The following DERA variants were observed in gnomAD, a reference collection of about 807,000 sequenced individuals.
DERA encodes deoxyribose-phosphate aldolase, also known as 2-deoxy-D-ribose 5-phosphate aldolase.
A neutral mutation model predicts 41.1 loss-of-function variants in DERA; 15 were observed. The ratio of observed to expected loss-of-function variants is 0.37; its 90% confidence interval spans 0.24 to 0.56. The LOEUF (loss-of-function observed/expected upper bound fraction) is 0.56. DERA is among the 20% of genes least tolerant of loss of function. The pLI is 0.81. For synonymous variants in DERA, 139 were observed against 137.4 expected (o/e 1.01, Z -0.08); for missense variants, 396 against 403.4 (o/e 0.98, Z 0.16).
At chr12:15,962,741 C>T in intron 4 of DERA, 72 bp from the exon 5 acceptor site, 1 of 1,355,424 alleles carries the variant, frequency 7.4e-7, no homozygotes, top group Non-Finnish European at 1.0e-6. Context: ...ATTTGTTTTC[C>T]CCTCCCCCCC....
rs1330072020 is a variant in DERA, at chr12:15,935,971, G to C, written c.32-20965G>C. On this transcript the variant is annotated intron_variant, in intron 1 of 8. Transcript: ENST00000428559. This position sits in a 1 kb window ranked among gnomAD's most constrained non-coding sequence, Gnocchi z 4.8. ...TCACCCATATGGTTGGCAGCTTAGTGCTGACACCTGGTGAGAAGCCTCAGC... is the reference window on the plus strand; with the variant it reads ...TCACCCATATGGTTGGCAGCTTAGTCCTGACACCTGGTGAGAAGCCTCAGC... 2.0e-5 allele frequency among the ~76,000 whole-genome samples: 3 copies of C among 152,222 alleles called. No homozygotes were observed. The East Asian group carries it at 5.8e-4, about 29-fold the overall frequency.
rs150068452 is a variant in DERA at position 15,992,322 on chromosome 12, A to G, written c.637+9886A>G. 7.9e-5 allele frequency among the ~76,000 whole-genome samples: 12 copies of G among 152,268 alleles called. No individual in the cohort carries two copies. The East Asian group carries it at 2.3e-3, about 29-fold the overall frequency. Reference sequence around the variant, plus strand: ...AAATCTTGTAGAATTTGAACATGTTATTTTAGAGGGCAACTCTTATTTTAG... The same window carrying G: ...AAATCTTGTAGAATTTGAACATGTTGTTTTAGAGGGCAACTCTTATTTTAG... On this transcript the variant is annotated intron_variant, in intron 6 of 8. Coordinates refer to ENST00000428559, the MANE Select transcript of DERA (RefSeq NM_015954.4). This position sits in a 1 kb window ranked among gnomAD's most constrained non-coding sequence, Gnocchi z 4.3.
At position 16,035,708 on chromosome 12, in the gene DERA, T is replaced by C. The variant is rs1949122547; in HGVS notation, c.751-524T>C. On this transcript the variant is annotated intron_variant, in intron 7 of 8. Transcript: ENST00000428559. The surrounding 1 kb of genome is among the most constrained non-coding windows in gnomAD (Gnocchi z 4.1). The stretch of plus-strand genomic sequence containing the variant: ...CCACAGTTAAATTGGTTAAAACAAC[T>C]GTCAACTTTCCTTGCTTTTTTGCTG... 6.6e-6 allele frequency among the ~76,000 whole-genome samples: 1 copy of C among 152,232 alleles called. No individual in the cohort carries two copies.
chr12:16,032,351 T>C (rs987895111), intron 6 of DERA, among the ~76,000 whole-genome samples, 191 bp from the exon 7 acceptor site: 1 of 152,096 alleles, frequency 6.6e-6, no homozygotes, highest in Non-Finnish European at 1.5e-5. Context: ...AATACAGTGA[T>C]GGTAAGGGGG....
chr12:15,911,393 C>A lies in DERA; in HGVS notation c.10C>A (p.His4Asn). The A allele has an allele frequency of 7.1e-7, 1 of 1,405,676 alleles. No individual in the cohort carries two copies. The highest frequency in any genetic ancestry group is 1.5e-5 in the African/African-American group (1 of 65,948). The allele number at this position is 1,405,676 out of a possible 1,614,324, so 87.1% of individuals were successfully genotyped here. Reference sequence around the variant, plus strand: ...CGGAGCTGCCCGCGCCATGTCCGCGCACAATCGGGGCACCGAGCTCGGTAA... The same window carrying A: ...CGGAGCTGCCCGCGCCATGTCCGCGAACAATCGGGGCACCGAGCTCGGTAA... MSA[H>N]NRGTELDLSW... is the part of the protein sequence containing the mutation. The change falls in exon 1 of 9, where the codon CAC becomes AAC. Residue 4 changes from histidine to asparagine, a missense_variant. Physicochemically the swap from His to Asn is moderately conservative, Grantham distance 68. Transcript: ENST00000428559. This position sits in a 1 kb window ranked among gnomAD's most constrained non-coding sequence, Gnocchi z 4.5.
chr12:15,915,178 G>A lies in DERA; in HGVS notation c.31+3764G>A, dbSNP rs1948190496. Among the ~76,000 whole-genome samples the A allele has an allele frequency of 6.6e-6, 1 of 152,180 alleles. No homozygotes were observed. On this transcript the variant is annotated intron_variant, in intron 1 of 8. Transcript: ENST00000428559. The surrounding 1 kb of genome is among the most constrained non-coding windows in gnomAD (Gnocchi z 4.8). ...GCTAGAGCTACAATTAAATGCAAGT[G>A]TGATGTGCAATTATTTTTCATTTAT...
At position 16,032,560 on chromosome 12, in the gene DERA, C is replaced by A; in HGVS notation, c.656C>A (p.Thr219Asn). The change falls in exon 7 of 9, where the codon ACC becomes AAC. Residue 219 changes from threonine to asparagine, a missense_variant. By Grantham distance (65) the Thr-to-Asn change is moderately conservative. Transcript: ENST00000428559. The stretch of plus-strand genomic sequence containing the variant: ...GTTTTAGGATCAGATTTTATTAAGA[C>A]CTCTACTGGAAAAGAAACAGTAAAT... ...AMMAGSDFIK[T>N]STGKETVNAT... 6.5e-7 allele frequency: 1 copy of A among 1,540,244 alleles called. No individual in the cohort carries two copies. Among genetic ancestry groups the A allele is most frequent in the East Asian group, 2.4e-5 (1 of 41,670 alleles).
rs1264587723 is a variant in DERA, at chr12:15,943,285, G to T, written c.32-13651G>T. Reference sequence around the variant, plus strand: ...GAAGACAAATTTTAAACGCAGAGTAGAAAAGCAATAGTCAGTTGATTGATG... The same window carrying T: ...GAAGACAAATTTTAAACGCAGAGTATAAAAGCAATAGTCAGTTGATTGATG... On this transcript the variant is annotated intron_variant, in intron 1 of 8. Coordinates refer to ENST00000428559, the MANE Select transcript of DERA (RefSeq NM_015954.4). The surrounding 1 kb of genome is among the most constrained non-coding windows in gnomAD (Gnocchi z 4.5). Among the ~76,000 whole-genome samples the T allele has an allele frequency of 6.6e-6, 1 of 152,198 alleles. No individual in the cohort carries two copies. Among genetic ancestry groups the T allele is most frequent in the Non-Finnish European group, 1.5e-5 (1 of 68,034 alleles).
In DERA at chr12:16,036,961, G is replaced by T. The variant is rs1949133714; in HGVS notation, c.*215G>T. 1 of 498,400 alleles carries T rather than the reference G, an allele frequency of 2.0e-6. No homozygotes were observed. Among genetic ancestry groups the T allele is most frequent in the Non-Finnish European group, 3.5e-6 (1 of 285,236 alleles). 30.9% of individuals were successfully genotyped at this position (498,400 alleles called of 1,614,324 possible). ...TCTGAAATGATCTTAATTACTAGAAGATCTGCACTATTAACTTTGTGAAGA... is the reference window on the plus strand; with the variant it reads ...TCTGAAATGATCTTAATTACTAGAATATCTGCACTATTAACTTTGTGAAGA... On this transcript the variant is annotated 3_prime_UTR_variant, in exon 9 of 9. Transcript: ENST00000428559. This position sits in a 1 kb window ranked among gnomAD's most constrained non-coding sequence, Gnocchi z 4.9.
chr12:16,034,817 ACT>A (rs1292550216), intron 7 of DERA, among the ~76,000 whole-genome samples: 4 of 152,206 alleles, frequency 2.6e-5, no homozygotes, highest in African/African-American at 7.2e-5. Context: ...GCTGACACAA[ACT>A]GAACTGTATA....
At position 15,921,424 on chromosome 12, in the gene DERA, T is replaced by A. The variant is rs1948243666; in HGVS notation, c.31+10010T>A. ...TGTGAGATTAACCAGAAAGAGTAATTCCGTTAATTTTCTGGTAGAAAAAAA... is the reference window on the plus strand; with the variant it reads ...TGTGAGATTAACCAGAAAGAGTAATACCGTTAATTTTCTGGTAGAAAAAAA... On this transcript the variant is annotated intron_variant, in intron 1 of 8. Coordinates refer to ENST00000428559, the MANE Select transcript of DERA (RefSeq NM_015954.4). The surrounding 1 kb of genome is among the most constrained non-coding windows in gnomAD (Gnocchi z 5.3). Among the ~76,000 whole-genome samples, 1 of 152,164 alleles carries A rather than the reference T, an allele frequency of 6.6e-6. No homozygotes were observed. Among genetic ancestry groups the A allele is most frequent in the South Asian group, 2.1e-4 (1 of 4,836 alleles).
At chr12:16,002,418 G>A (rs1948881918) in intron 6 of DERA, among the ~76,000 whole-genome samples, 1 of 151,780 alleles carries the variant, frequency 6.6e-6, no homozygotes, top group Non-Finnish European at 1.5e-5. Context: ...GAATACCCTC[G>A]CTCCTCACAG....
intron 1 of DERA, among the ~76,000 whole-genome samples, chr12:15,916,763 T>A (rs1948203373): frequency 2.0e-5 from 3 of 152,144 alleles, no homozygotes; most frequent in Non-Finnish European, 4.4e-5. Flanking sequence ...ATCCTGTTTC[T>A]TGATGTATTC....
intron 5 of DERA, among the ~76,000 whole-genome samples, chr12:15,968,994 G>C (rs1948642472): frequency 6.6e-6 from 1 of 152,182 alleles, no homozygotes; most frequent in South Asian, 2.1e-4. Context: ...TGAGGGGCTA[G>C]GACATAATGA....
intron 1 of DERA, among the ~76,000 whole-genome samples, chr12:15,929,496 TCAAGCC>T (rs1231398543): frequency 2.0e-5 from 3 of 152,002 alleles, no homozygotes; most frequent in Admixed American, 2.0e-4. Context: ...CAATATCAGC[TCAAGCC>T]CTGTCTGCTT....
rs1948945748 is a variant in DERA at position 16,011,430 on chromosome 12, A to C, written c.638-21112A>C. The stretch of plus-strand genomic sequence containing the variant: ...AGCATCCCAAATCCAAAAATCTGAA[A>C]TGTGAAATGCTCCAGTGATCATTTC... On this transcript the variant is annotated intron_variant, in intron 6 of 8. Coordinates refer to ENST00000428559, the MANE Select transcript of DERA (RefSeq NM_015954.4). The surrounding 1 kb of genome is among the most constrained non-coding windows in gnomAD (Gnocchi z 4.7). 1.3e-5 allele frequency among the ~76,000 whole-genome samples: 2 copies of C among 152,206 alleles called. No homozygotes were observed. The highest frequency in any genetic ancestry group is 1.3e-4 in the Admixed American group (2 of 15,276).
intron 5 of DERA, chr12:15,971,886 A>G: frequency 3.1e-6 from 1 of 319,816 alleles, no homozygotes; most frequent in Admixed American, 3.9e-5. Flanking sequence ...ATTTTGGAGC[A>G]CAGTCAATCT....
intron 1 of DERA, among the ~76,000 whole-genome samples, chr12:15,927,791 A>G (rs1387294871): frequency 6.6e-6 from 1 of 152,190 alleles, no homozygotes; most frequent in African/African-American, 2.4e-5. Context: ...ATATACAACT[A>G]GCTGCTAATT....
In DERA at chr12:16,021,803, A is replaced by G. The variant is rs74063615; in HGVS notation, c.638-10739A>G. Among the ~76,000 whole-genome samples, 12,230 of 151,958 alleles carry G rather than the reference A, an allele frequency of 0.08. 1,477 individuals carry two copies. Among genetic ancestry groups the G allele is most frequent in the African/African-American group, 0.26 (10,582 of 41,422 alleles). ...CGCACCCCTCCCCCTTTTTTGGCTG[A>G]TTTCTCCCTTTGGGAATGGTAATGT... On this transcript the variant is annotated intron_variant, in intron 6 of 8. Coordinates refer to ENST00000428559, the MANE Select transcript of DERA (RefSeq NM_015954.4). This position sits in a 1 kb window ranked among gnomAD's most constrained non-coding sequence, Gnocchi z 5.3.
Sources: allele counts gnomAD v4.1 joint callset (sites outside exome capture counted in the v4.1 genomes callset), GRCh38; gene constraint gnomAD v4.1.1; non-coding constraint Gnocchi (gnomAD v3.1); transcripts MANE v1.5; gene names NCBI Gene and HGNC (gene_info 2026-07-23, HGNC 2026-07-21).